PRKCQ: variants seen among roughly 807,000 people sequenced by gnomAD.
PRKCQ encodes the protein protein kinase C theta type.
Under a neutral mutation model 91.2 loss-of-function variants are expected in PRKCQ, and 41 were observed. That is an observed-to-expected ratio of 0.45 (90% CI 0.35 to 0.58). The LOEUF (loss-of-function observed/expected upper bound fraction) is 0.58. Among genes scored for constraint, PRKCQ ranks in the 20% least tolerant of loss-of-function variants. The probability of loss-of-function intolerance (pLI) is 0.00; values close to 1 mark genes in which losing one functional copy is unlikely to be tolerated. For synonymous variants in PRKCQ, 307 were observed against 316.9 expected (o/e 0.97, Z 0.33); for missense variants, 673 against 896.5 (o/e 0.75, Z 3.18).
At position 6,497,190 on chromosome 10, in the gene PRKCQ, T is replaced by G; in HGVS notation, c.574+30A>C. 6.2e-7 allele frequency: 1 copy of G among 1,614,174 alleles called. No homozygotes were observed. The highest frequency in any genetic ancestry group is 8.5e-7 in the Non-Finnish European group (1 of 1,180,008). On this transcript the variant is annotated intron_variant, in intron 6 of 17. Coordinates refer to ENST00000263125, the MANE Select transcript of PRKCQ (RefSeq NM_006257.5). This position sits in a 1 kb window ranked among gnomAD's most constrained non-coding sequence, Gnocchi z 4.5. ...AGGAATAACTAAATAAAAAGAATGA[T>G]GGTAATGCAACCAAAACCCTCTTAC...
At chr10:6,494,669 A>G (rs954928248) in intron 7 of PRKCQ, among the ~76,000 whole-genome samples, 1 of 152,090 alleles carries the variant, frequency 6.6e-6, no homozygotes, top group African/African-American at 2.4e-5. Flanking sequence ...CAGTTTCTCA[A>G]TGTCTATCTC....
chr10:6,482,458 T>C (rs968439709), intron 11 of PRKCQ, among the ~76,000 whole-genome samples: 1 of 151,978 alleles, frequency 6.6e-6, no homozygotes, highest in Non-Finnish European at 1.5e-5. Context: ...GATGCAGACA[T>C]GCACAGGAGG....
intron 7 of PRKCQ, among the ~76,000 whole-genome samples, chr10:6,493,152 G>A (rs887411846): frequency 4.6e-5 from 7 of 152,204 alleles, no homozygotes; most frequent in African/African-American, 1.4e-4. Context: ...CTATGTACAC[G>A]CTTTCCAGTA....
chr10:6,428,898 A>C (rs1173737847), intron 17 of PRKCQ, among the ~76,000 whole-genome samples: 2 of 152,246 alleles, frequency 1.3e-5, no homozygotes, highest in Non-Finnish European at 2.9e-5. Context: ...TTTAGACAGC[A>C]CAGACTGGGA....
the PRKCQ span, among the ~76,000 whole-genome samples, chr10:6,401,514 T>G: frequency 6.6e-6 from 1 of 151,968 alleles, no homozygotes; most frequent in Non-Finnish European, 1.5e-5. Flanking sequence ...AGGGCTGGTT[T>G]TTTTTTTTTA....
intron 4 of PRKCQ, among the ~76,000 whole-genome samples, chr10:6,505,825 T>G (rs1838178453): frequency 6.6e-6 from 1 of 152,108 alleles, no homozygotes; most frequent in South Asian, 2.1e-4. Flanking sequence ...TTTGTATTTT[T>G]GGTAGAGAAT....
Position 6,560,664 on chromosome 10 carries a change from G to A in PRKCQ, c.-10+19547C>T, listed in dbSNP as rs141337029. 8.7e-4 allele frequency among the ~76,000 whole-genome samples: 133 copies of A among 152,166 alleles called. 1 individual carries two copies. Among genetic ancestry groups the A allele is most frequent in the African/African-American group, 3.1e-3 (129 of 41,488 alleles). ...TCAGCCTCTGAAAATGTGTCTATTTGGTCAAATATAAATAATCCATTTTAT... is the reference window on the plus strand; with the variant it reads ...TCAGCCTCTGAAAATGTGTCTATTTAGTCAAATATAAATAATCCATTTTAT... On this transcript the variant is annotated intron_variant, in intron 1 of 17. Transcript: ENST00000263125.
the PRKCQ span, among the ~76,000 whole-genome samples, chr10:6,411,809 C>T: frequency 6.6e-6 from 1 of 152,130 alleles, no homozygotes; most frequent in Non-Finnish European, 1.5e-5. Context: ...CACATCTTAT[C>T]AAAGCTCAGA....
At chr10:6,548,343 G>C (rs1170212632) in intron 1 of PRKCQ, among the ~76,000 whole-genome samples, 3 of 151,874 alleles carry the variant, frequency 2.0e-5, no homozygotes, top group Non-Finnish European at 2.9e-5. Context: ...CAGGGATCTA[G>C]AACTAGAAAT....
intron 12 of PRKCQ, among the ~76,000 whole-genome samples, chr10:6,466,806 G>A (rs944138375): frequency 1.3e-5 from 2 of 152,160 alleles, no homozygotes; most frequent in Admixed American, 1.3e-4. Context: ...AGAAGTGTCT[G>A]CCTGCTGGAA....
chr10:6,452,414 T>C (rs374293150), intron 15 of PRKCQ, among the ~76,000 whole-genome samples: 125 of 151,950 alleles, frequency 8.2e-4, no homozygotes, highest in Non-Finnish European at 1.5e-3. Flanking sequence ...TGCTCAATGA[T>C]ATAAAAGAGG....
chr10:6,565,630 A>G (rs867668825), intron 1 of PRKCQ, among the ~76,000 whole-genome samples: 1 of 152,186 alleles, frequency 6.6e-6, no homozygotes, highest in Non-Finnish European at 1.5e-5. Context: ...TTTCTCTCCT[A>G]AAGCACTTTT....
At chr10:6,522,983 CAT>C (rs1491136473) in intron 1 of PRKCQ, among the ~76,000 whole-genome samples, 2 of 151,438 alleles carry the variant, frequency 1.3e-5, no homozygotes, top group African/African-American at 2.4e-5. Flanking sequence ...TTAAAAGAAA[CAT>C]AAAAAAAAAC....
intron 1 of PRKCQ, among the ~76,000 whole-genome samples, chr10:6,560,233 G>C (rs1840577084): frequency 6.6e-6 from 1 of 152,224 alleles, no homozygotes; most frequent in South Asian, 2.1e-4. Context: ...AAGAGGATCT[G>C]TGTCCCCTAA....
At position 6,486,160 on chromosome 10, in the gene PRKCQ, C is replaced by T; in HGVS notation, c.791-16G>A. 1.9e-6 allele frequency: 3 copies of T among 1,606,096 alleles called. No individual in the cohort carries two copies. Among genetic ancestry groups the T allele is most frequent in the Non-Finnish European group, 2.6e-6 (3 of 1,172,884 alleles). ...ATGCCACATGCTGGAAGGAAGAAGG[C>T]AGATAGTGAGCAAGAGTGGAAGAAC... On this transcript the variant is annotated splice_polypyrimidine_tract_variant and intron_variant, in intron 8 of 17. Coordinates refer to ENST00000263125, the MANE Select transcript of PRKCQ (RefSeq NM_006257.5).
chr10:6,515,188 GAT>G, intron 1 of PRKCQ, 44 bp from the exon 2 acceptor site: 1 of 1,608,396 alleles, frequency 6.2e-7, no homozygotes, highest in East Asian at 2.2e-5. Context: ...GGCTATAAAA[GAT>G]ATTATTTTTG....
chr10:6,502,722 C>A (rs547897262), intron 4 of PRKCQ, among the ~76,000 whole-genome samples: 6 of 152,066 alleles, frequency 3.9e-5, no homozygotes, highest in African/African-American at 1.2e-4. Context: ...CTAGACAACA[C>A]GAACACAAAT....
At chr10:6,563,993 G>C (rs753166579) in intron 1 of PRKCQ, among the ~76,000 whole-genome samples, 43 of 152,204 alleles carry the variant, frequency 2.8e-4, no homozygotes, top group Non-Finnish European at 5.7e-4. Context: ...AAGTAACGAT[G>C]TGAGCGTGAG....
At chr10:6,561,957 A>G (rs1186392079) in intron 1 of PRKCQ, among the ~76,000 whole-genome samples, 1 of 152,208 alleles carries the variant, frequency 6.6e-6, no homozygotes, top group Non-Finnish European at 1.5e-5. Context: ...GAGGTGAATA[A>G]AAGTCTGAAA....
Sources: allele counts gnomAD v4.1 joint callset (sites outside exome capture counted in the v4.1 genomes callset), GRCh38; gene constraint gnomAD v4.1.1; non-coding constraint Gnocchi (gnomAD v3.1); transcripts MANE v1.5; gene names NCBI Gene and HGNC (gene_info 2026-07-23, HGNC 2026-07-21).